MYRIP: variants seen among roughly 807,000 people sequenced by gnomAD.
The protein encoded by MYRIP is rab effector MyRIP.
In MYRIP, 49 loss-of-function variants were observed where a neutral mutation model predicts 98.0. The ratio of observed to expected loss-of-function variants is 0.50; its 90% CI spans 0.40 to 0.63. The LOEUF (loss-of-function observed/expected upper bound fraction) is 0.63, where lower values mean the gene tolerates loss of function less well. MYRIP is among the 30% of genes least tolerant of loss of function. MYRIP has a pLI of 0.00. For missense variants in MYRIP, 1,004 were observed against 1,058.2 expected, an observed-to-expected ratio of 0.95 and a Z score of 0.71; for synonymous variants, 404 against 409.5, an observed-to-expected ratio of 0.99 and a Z score of 0.16.
In MYRIP at chr3:40,252,115, G is replaced by A. The variant is rs73827181; in HGVS notation, c.2547+116G>A. 1.2e-3 allele frequency: 935 copies of A among 783,156 alleles called. 5 individuals carry two copies. In the African/African-American group the frequency reaches 0.014, roughly 12 times the overall value. The allele number at this position is 783,156 out of a possible 1,614,324, so 48.5% of individuals were successfully genotyped here. A position where few individuals can be genotyped will look rare whatever the true frequency, so the allele number is the denominator to read the frequency against. ...AACCCCCAAAAAGTATCCTTCCTCC[G>A]TGGTCTTATGGTCTGTTGGATTTGA... On this transcript the variant is annotated intron_variant, in intron 16 of 16. Transcript: ENST00000302541.
chr3:39,881,921 T>C (rs1943165493), intron 1 of MYRIP, among the ~76,000 whole-genome samples: 1 of 152,168 alleles, frequency 6.6e-6, no homozygotes, highest in African/African-American at 2.4e-5. Flanking sequence ...TCTTCGTCCC[T>C]GAGCATTTTT....
chr3:40,127,178 T>C (rs1184596403), intron 3 of MYRIP, among the ~76,000 whole-genome samples: 7 of 152,244 alleles, frequency 4.6e-5, no homozygotes, highest in South Asian at 2.1e-4. Flanking sequence ...ATTTTCTTTT[T>C]TCTAAGATTA....
At chr3:40,049,015 C>G (rs975134931) in intron 3 of MYRIP, among the ~76,000 whole-genome samples, 8 of 152,210 alleles carry the variant, frequency 5.3e-5, no homozygotes, top group African/African-American at 1.7e-4. Flanking sequence ...CTTCAGGAAG[C>G]AAAACTTTTC....
At chr3:40,170,116 T>A (rs1297086429) in intron 8 of MYRIP, 23 bp downstream of exon 8, 1 of 1,613,128 alleles carries the variant, frequency 6.2e-7, no homozygotes, top group Admixed American at 1.7e-5. Context: ...GCAGTGCTGG[T>A]CTACCCTCCA....
At chr3:39,823,018 C>CTTTTTT (rs35819968) in intron 1 of MYRIP, among the ~76,000 whole-genome samples, 1 of 123,300 alleles carries the variant, frequency 8.1e-6, no homozygotes, top group Non-Finnish European at 1.7e-5. Flanking sequence ...TCTTTTCTTC[C>CTTTTTT]TTTTTTTTTT....
intron 3 of MYRIP, among the ~76,000 whole-genome samples, chr3:40,102,456 A>T (rs749215422): frequency 1.3e-5 from 2 of 152,118 alleles, no homozygotes; most frequent in Non-Finnish European, 2.9e-5. Flanking sequence ...AGCTTCCCAG[A>T]TGTTATTACT....
chr3:40,242,065 GCCCT>G (rs1327672512), intron 12 of MYRIP: 13 of 152,150 alleles, frequency 8.5e-5, no homozygotes, highest in Non-Finnish European at 1.2e-4. Context: ...ACTAGCTTCA[GCCCT>G]CCTGAGATCA....
chr3:40,033,712 A>G (rs565530588), intron 2 of MYRIP, among the ~76,000 whole-genome samples: 1 of 152,272 alleles, frequency 6.6e-6, no homozygotes, highest in East Asian at 1.9e-4. Flanking sequence ...CAGAATTGGA[A>G]GAAAACTACT....
intron 2 of MYRIP, among the ~76,000 whole-genome samples, chr3:39,958,356 G>A (rs1209663941): frequency 2.0e-5 from 3 of 152,114 alleles, no homozygotes; most frequent in African/African-American, 7.2e-5. Flanking sequence ...ACAGAACAGA[G>A]CCCTCAGAAA....
chr3:39,905,647 T>A (rs1943860792), intron 2 of MYRIP, among the ~76,000 whole-genome samples: 1 of 152,162 alleles, frequency 6.6e-6, no homozygotes, highest in African/African-American at 2.4e-5. Context: ...CTCTCATACA[T>A]ACAAGGTTGG....
At chr3:39,899,534 A>T (rs1943695569) in intron 1 of MYRIP, among the ~76,000 whole-genome samples, 1 of 152,208 alleles carries the variant, frequency 6.6e-6, no homozygotes, top group South Asian at 2.1e-4. Flanking sequence ...TTCATATGAT[A>T]CAACCCAATT....
At chr3:40,111,528 A>G (rs1308908730) in intron 3 of MYRIP, among the ~76,000 whole-genome samples, 3 of 152,154 alleles carry the variant, frequency 2.0e-5, no homozygotes, top group Non-Finnish European at 4.4e-5. Flanking sequence ...TATAAAAGAA[A>G]TTATAGAGTT....
At chr3:40,111,718 T>C (rs1256753709) in intron 3 of MYRIP, among the ~76,000 whole-genome samples, 1 of 152,026 alleles carries the variant, frequency 6.6e-6, no homozygotes, top group Non-Finnish European at 1.5e-5. Flanking sequence ...ATCTGACATA[T>C]TGGAGATCCC....
Position 40,242,566 on chromosome 3 carries a change from A to G in MYRIP, c.2101-1880A>G, listed in dbSNP as rs951300508. The G allele has an allele frequency of 2.0e-5, 3 of 151,840 alleles. No individual in the cohort carries two copies. The South Asian group carries it at 6.2e-4, about 32-fold the overall frequency. 9.4% of individuals were successfully genotyped at this position (151,840 alleles called of 1,614,324 possible). ...ATGTAAATAGCAATCAGGTTGATGCACATCCCAGGGTGTGATGACATTGAG... is the reference window on the plus strand; with the variant it reads ...ATGTAAATAGCAATCAGGTTGATGCGCATCCCAGGGTGTGATGACATTGAG... On this transcript the variant is annotated intron_variant, in intron 12 of 16. Coordinates refer to ENST00000302541, the MANE Select transcript of MYRIP (RefSeq NM_015460.4).
At chr3:39,933,205 C>A (rs912947673) in intron 2 of MYRIP, among the ~76,000 whole-genome samples, 2 of 152,178 alleles carry the variant, frequency 1.3e-5, no homozygotes, top group Admixed American at 1.3e-4. Context: ...ATCTGGACTA[C>A]CACCTGTTTT....
intron 1 of MYRIP, among the ~76,000 whole-genome samples, chr3:39,896,949 A>G (rs1220996809): frequency 6.6e-6 from 1 of 152,170 alleles, no homozygotes; most frequent in Non-Finnish European, 1.5e-5. Flanking sequence ...AGCCAGGAAT[A>G]ACATAGACAA....
intron 1 of MYRIP, among the ~76,000 whole-genome samples, chr3:39,893,450 C>T (rs1353841523): frequency 6.6e-6 from 1 of 152,042 alleles, no homozygotes; most frequent in African/African-American, 2.4e-5. Context: ...TTTATGGTCT[C>T]TGCAGCTATA....
chr3:40,190,263 C>T lies in MYRIP; in HGVS notation c.1465C>T (p.Arg489Cys), dbSNP rs199718064. ...CAGGAACCCTGCAGCTGAGAAGATG[C>T]GCTTGCATGGAGAGCTGGACGTGAA... The part of the protein sequence containing the change: ...APRNPAAEKM[R>C]LHGELDVNFN... Residue 489 changes from arginine (R) to cysteine (C), a missense_variant, in exon 10 of 17, where the codon CGC (arginine) becomes TGC (cysteine). Arg to Cys is a radical substitution (Grantham distance 180). Coordinates refer to ENST00000302541, the MANE Select transcript of MYRIP (RefSeq NM_015460.4). The T allele has an allele frequency of 4.5e-5, 73 of 1,613,914 alleles. No homozygotes were observed. Among genetic ancestry groups the T allele is most frequent in the Admixed American group, 4.0e-4 (24 of 59,998 alleles).
chr3:39,998,514 C>G (rs1364390865), intron 2 of MYRIP, among the ~76,000 whole-genome samples: 1 of 152,124 alleles, frequency 6.6e-6, no homozygotes, highest in African/African-American at 2.4e-5. Flanking sequence ...AACCACTGCT[C>G]AATGAAATAA....
Sources: allele counts gnomAD v4.1 joint callset (sites outside exome capture counted in the v4.1 genomes callset), GRCh38; gene constraint gnomAD v4.1.1; transcripts MANE v1.5; gene names NCBI Gene and HGNC (gene_info 2026-07-23, HGNC 2026-07-21).